Variants in KIAA1614 observed in about 807,000 individuals in gnomAD.
KIAA1614 encodes the protein KIAA1614.
KIAA1614 carries 76 observed loss-of-function variants against 88.7 expected under a neutral mutation model. The ratio of observed to expected loss-of-function variants is 0.86; its 90% CI spans 0.71 to 1.04. KIAA1614 has a LOEUF of 1.04. KIAA1614 is among the 50% of genes least tolerant of loss of function. The pLI is 0.00. For synonymous variants in KIAA1614, 714 were observed against 675.5 expected (o/e 1.06, Z -0.88); for missense variants, 1,553 against 1,582.5 (o/e 0.98, Z 0.32).
chr1:180,925,311 T>G (rs1654044878), intron 3 of KIAA1614, among the ~76,000 whole-genome samples: 3 of 152,162 alleles, frequency 2.0e-5, no homozygotes, highest in Admixed American at 2.0e-4. Context: ...GTAGGAGAGC[T>G]CTATCCGTGG....
At chr1:180,933,055 T>TA (rs1338628704) in intron 4 of KIAA1614, among the ~76,000 whole-genome samples, 4 of 152,132 alleles carry the variant, frequency 2.6e-5, no homozygotes, top group Admixed American at 1.3e-4. Flanking sequence ...GAGTTCTTTT[T>TA]AAAAAAAATT....
At chr1:180,917,318 A>AC (rs1452658300) in intron 2 of KIAA1614, among the ~76,000 whole-genome samples, 1 of 152,042 alleles carries the variant, frequency 6.6e-6, no homozygotes, top group Non-Finnish European at 1.5e-5. Flanking sequence ...GCCCCCCATG[A>AC]CCCTGCAGAC....
In KIAA1614 at chr1:180,916,936, C is replaced by A; in HGVS notation, c.833C>A (p.Ala278Asp). ...RTALLGERWR[A>D]GDLEALGAGS... Reference sequence around the variant, plus strand: ...GCCCTGCTGGGTGAGCGCTGGAGAGCTGGAGACCTGGAGGCTCTGGGCGCT... The same window carrying A: ...GCCCTGCTGGGTGAGCGCTGGAGAGATGGAGACCTGGAGGCTCTGGGCGCT... The change falls in exon 2 of 9, where the codon GCT (alanine) becomes GAT (aspartate). Residue 278 changes from alanine (A) to aspartate (D), a missense_variant. Coordinates refer to ENST00000367588, the MANE Select transcript of KIAA1614 (RefSeq NM_020950.2). 1 of 1,614,246 alleles carries A rather than the reference C, an allele frequency of 6.2e-7. No homozygotes were observed. The highest frequency in any genetic ancestry group is 1.3e-5 in the African/African-American group (1 of 75,076).
At chr1:180,926,496 GTAAC>G (rs1393621518) in intron 3 of KIAA1614, among the ~76,000 whole-genome samples, 1 of 136,048 alleles carries the variant, frequency 7.4e-6, no homozygotes, top group African/African-American at 2.7e-5. Flanking sequence ...AAAAAAAAAA[GTAAC>G]AGCTCCAAGA....
intron 7 of KIAA1614, among the ~76,000 whole-genome samples, chr1:180,941,887 C>T (rs772498583): frequency 6.6e-6 from 1 of 152,216 alleles, no homozygotes; most frequent in African/African-American, 2.4e-5. Flanking sequence ...CCGGTTGCAG[C>T]TGACCCCCTT....
chr1:180,925,013 TAGGGAAACTG>T (rs1654037614), intron 3 of KIAA1614, among the ~76,000 whole-genome samples: 1 of 152,006 alleles, frequency 6.6e-6, no homozygotes, highest in African/African-American at 2.4e-5. Context: ...ATTTAGCAGA[TAGGGAAACTG>T]AGGCTCAACT....
chr1:180,915,098 C>G (rs1653748865), intron 1 of KIAA1614, among the ~76,000 whole-genome samples: 1 of 152,246 alleles, frequency 6.6e-6, no homozygotes, highest in African/African-American at 2.4e-5. Context: ...GCCACCGCTC[C>G]TGGTCAATAA....
chr1:180,933,852 T>A (rs1365765553), intron 4 of KIAA1614, among the ~76,000 whole-genome samples: 1 of 152,172 alleles, frequency 6.6e-6, no homozygotes, highest in African/African-American at 2.4e-5. Flanking sequence ...GTTGGAACAG[T>A]CAAGACTCAG....
chr1:180,943,550 CT>C (rs60128001), intron 7 of KIAA1614, among the ~76,000 whole-genome samples: 10 of 98,220 alleles, frequency 1.0e-4, no homozygotes, highest in African/African-American at 2.9e-4. Flanking sequence ...GGTAGTAGAT[CT>C]TTTTTTTTTT....
intron 3 of KIAA1614, among the ~76,000 whole-genome samples, chr1:180,924,947 C>G (rs1176144831): frequency 7.3e-6 from 1 of 137,654 alleles, no homozygotes; most frequent in Non-Finnish European, 1.6e-5. Flanking sequence ...GTGCCCAGCT[C>G]TGTGCTAATC....
rs773918708 is a variant in KIAA1614, at chr1:180,935,550, C to T, written c.1641C>T (p.Arg547=). 1.9e-6 allele frequency: 3 copies of T among 1,591,660 alleles called. No individual in the cohort carries two copies. Among genetic ancestry groups the T allele is most frequent in the Admixed American group, 3.4e-5 (2 of 58,092 alleles). The change falls in exon 5 of 9, where the codon CGC becomes CGT. Residue 547 remains arginine, a synonymous_variant. Coordinates refer to ENST00000367588, the MANE Select transcript of KIAA1614 (RefSeq NM_020950.2). This position sits in a 1 kb window ranked among gnomAD's most constrained non-coding sequence, Gnocchi z 6.1. ...GCGGCAGCTGCATCGACGACCCGCGCCCCGCCCAGGGGAAGGCGCCCCCCG... is the reference window on the plus strand; with the variant it reads ...GCGGCAGCTGCATCGACGACCCGCGTCCCGCCCAGGGGAAGGCGCCCCCCG... ...QACGSCIDDP[R]PAQGKAPPVP... is the part of the protein sequence containing the mutation.
intron 1 of KIAA1614, among the ~76,000 whole-genome samples, chr1:180,914,540 C>CTTTCT (rs139123961): frequency 3.2e-4 from 49 of 152,020 alleles, no homozygotes; most frequent in Admixed American, 7.2e-4. Context: ...TAAAGCCATT[C>CTTTCT]TTTCTTTTCT....
chr1:180,918,796 G>A (rs975129468), intron 3 of KIAA1614, among the ~76,000 whole-genome samples: 1 of 152,224 alleles, frequency 6.6e-6, no homozygotes. Flanking sequence ...AACGTGGACA[G>A]ACCTCTGTCT....
intron 1 of KIAA1614, among the ~76,000 whole-genome samples, chr1:180,915,544 C>G (rs1402147101): frequency 1.3e-5 from 2 of 152,228 alleles, no homozygotes; most frequent in Non-Finnish European, 2.9e-5. Context: ...GATAGAAAAA[C>G]TAGAACACTA....
chr1:180,927,274 T>C (rs1485114383), intron 3 of KIAA1614, among the ~76,000 whole-genome samples: 2 of 152,184 alleles, frequency 1.3e-5, no homozygotes, highest in East Asian at 3.9e-4. Flanking sequence ...GCCCAGCATA[T>C]GTGACGGCGA....
chr1:180,938,627 C>T lies in KIAA1614; in HGVS notation c.2834C>T (p.Ser945Phe). ...INSTGITLSL[S>F]SEESESSKES... ...TCCACGGGCATCACCCTCTCCCTGT[C>T]CTCAGAGGAGTCAGAGTCCAGCAAG... Residue 945 changes from serine to phenylalanine, a missense_variant, in exon 6 of 9, where the codon TCC (serine) becomes TTC (phenylalanine). Transcript: ENST00000367588. 2.5e-6 allele frequency: 4 copies of T among 1,614,182 alleles called. No homozygotes were observed. Among genetic ancestry groups the T allele is most frequent in the Non-Finnish European group, 3.4e-6 (4 of 1,180,006 alleles).
In KIAA1614 at chr1:180,950,429, G is replaced by A. The variant is rs1245982862; in HGVS notation, c.*4841G>A. The A allele has an allele frequency of 2.2e-5, 26 of 1,205,644 alleles. No individual in the cohort carries two copies. Among genetic ancestry groups the A allele is most frequent in the Non-Finnish European group, 2.5e-5 (24 of 946,696 alleles). 74.7% of individuals were successfully genotyped at this position (1,205,644 alleles called of 1,614,324 possible). A position where few individuals can be genotyped will look rare whatever the true frequency, so the allele number is the denominator to read the frequency against. The stretch of plus-strand genomic sequence containing the variant: ...GGGCGATGAGATCCTCGAGGTGAAC[G>A]GGGCCAAGGTGGCAGGGCTGGGCTT... On this transcript the variant is annotated 3_prime_UTR_variant, in exon 9 of 9. Transcript: ENST00000367588.
chr1:180,932,836 T>C (rs1654230507), intron 4 of KIAA1614, among the ~76,000 whole-genome samples: 1 of 151,964 alleles, frequency 6.6e-6, no homozygotes, highest in African/African-American at 2.4e-5. Flanking sequence ...GCCTCCTGGG[T>C]TCAAGCAATT....
chr1:180,942,793 T>A (rs1379930329), intron 7 of KIAA1614, among the ~76,000 whole-genome samples: 1 of 152,036 alleles, frequency 6.6e-6, no homozygotes, highest in Non-Finnish European at 1.5e-5. Flanking sequence ...ATAGGCAATC[T>A]GAGCTGAATG....
Sources: allele counts gnomAD v4.1 joint callset (sites outside exome capture counted in the v4.1 genomes callset), GRCh38; gene constraint gnomAD v4.1.1; non-coding constraint Gnocchi (gnomAD v3.1); transcripts MANE v1.5; gene names NCBI Gene and HGNC (gene_info 2026-07-23, HGNC 2026-07-21).